The following GDA variants were observed in gnomAD, a reference collection of about 807,000 sequenced individuals.
GDA encodes the protein cytoplasmic PSD-95 interactor.
In GDA, 18 loss-of-function variants were observed where a neutral mutation model predicts 59.6. The ratio of observed to expected loss-of-function variants is 0.30; its 90% CI spans 0.21 to 0.45. The LOEUF (loss-of-function observed/expected upper bound fraction) is 0.45. Among genes scored for constraint, GDA ranks in the 20% least tolerant of loss-of-function variants. GDA has a pLI of 1.00. For missense variants in GDA, 427 were observed against 552.3 expected (o/e 0.77, Z 2.27); for synonymous variants, 201 against 201.1 (o/e 1.00, Z 0.00).
intron 3 of GDA, 74 bp downstream of exon 3, chr9:72,202,816 A>G: frequency 8.4e-7 from 1 of 1,184,648 alleles, no homozygotes; most frequent in Non-Finnish European, 1.2e-6. Flanking sequence ...GGACAGATTT[A>G]AATTATAAAG....
chr9:72,151,434 A>G (rs1324465031), intron 1 of GDA, among the ~76,000 whole-genome samples: 1 of 152,170 alleles, frequency 6.6e-6, no homozygotes, highest in Non-Finnish European at 1.5e-5. Flanking sequence ...TGCCATACAT[A>G]TTTCAAAACT....
intron 1 of GDA, among the ~76,000 whole-genome samples, chr9:72,116,223 A>C (rs894290203): frequency 3.2e-5 from 4 of 126,190 alleles, no homozygotes; most frequent in African/African-American, 1.0e-4. Context: ...AACAAGAATG[A>C]AACTGTCTCA....
chr9:72,207,295 T>C (rs1834840955), intron 3 of GDA, among the ~76,000 whole-genome samples: 1 of 152,222 alleles, frequency 6.6e-6, no homozygotes, highest in Non-Finnish European at 1.5e-5. Context: ...TGATAATTAC[T>C]ATTAGAAAAA....
chr9:72,209,867 T>G (rs1287924053), intron 3 of GDA, among the ~76,000 whole-genome samples: 1 of 152,206 alleles, frequency 6.6e-6, no homozygotes, highest in Non-Finnish European at 1.5e-5. Flanking sequence ...GTGGGAGTAG[T>G]ACACGTGGTA....
intron 2 of GDA, 145 bp from the exon 3 acceptor site, chr9:72,202,426 G>A: frequency 1.7e-6 from 1 of 580,390 alleles, no homozygotes; most frequent in South Asian, 2.3e-5. Flanking sequence ...CTAAATAATT[G>A]GAGAATTTAC....
At chr9:72,158,911 C>T (rs1828270215) in intron 1 of GDA, among the ~76,000 whole-genome samples, 1 of 151,626 alleles carries the variant, frequency 6.6e-6, no homozygotes, top group Non-Finnish European at 1.5e-5. Flanking sequence ...ATCATCTCTA[C>T]TTTACAAATG....
chr9:72,203,465 T>C (rs1469895963), intron 3 of GDA, among the ~76,000 whole-genome samples: 1 of 152,212 alleles, frequency 6.6e-6, no homozygotes, highest in Non-Finnish European at 1.5e-5. Flanking sequence ...ACCAGCCATA[T>C]GTTGAAGGCT....
At chr9:72,221,829 G>A (rs370884757) in intron 6 of GDA, among the ~76,000 whole-genome samples, 27 of 152,238 alleles carry the variant, frequency 1.8e-4, no homozygotes, top group Admixed American at 4.6e-4. Flanking sequence ...CCCTTCCTGC[G>A]TTAGTTTGCT....
At chr9:72,257,148 C>T (rs1197943876), downstream of GDA, 1 of 152,442 alleles carries the variant, frequency 6.6e-6, no homozygotes, top group Non-Finnish European at 1.5e-5. Flanking sequence ...ATGCAGAAAC[C>T]TGAGAGGGTG....
At chr9:72,225,243 T>C (rs1371439882) in intron 7 of GDA, among the ~76,000 whole-genome samples, 2 of 152,150 alleles carry the variant, frequency 1.3e-5, no homozygotes, top group African/African-American at 4.8e-5. Context: ...ATTGTGCCAC[T>C]ACACTCCAGC....
chr9:72,185,027 A>T (rs1464410522), intron 1 of GDA, among the ~76,000 whole-genome samples: 2 of 152,216 alleles, frequency 1.3e-5, no homozygotes, highest in South Asian at 4.1e-4. Context: ...TTTTATAACA[A>T]ATGAAAATTA....
intron 1 of GDA, among the ~76,000 whole-genome samples, chr9:72,192,969 G>A (rs993540805): frequency 1.3e-5 from 2 of 152,120 alleles, no homozygotes; most frequent in Non-Finnish European, 2.9e-5. Context: ...ATTTTTCCTT[G>A]ATTCTTTTTA....
At chr9:72,127,489 T>C (rs988499763) in intron 1 of GDA, among the ~76,000 whole-genome samples, 50 of 151,632 alleles carry the variant, frequency 3.3e-4, no homozygotes, top group African/African-American at 1.2e-3. Flanking sequence ...AGACAAAAAT[T>C]AGTTAGGTGT....
At chr9:72,245,026 T>C in intron 11 of GDA, 122 bp from the exon 12 acceptor site, 1 of 813,692 alleles carries the variant, frequency 1.2e-6, no homozygotes, top group Non-Finnish European at 2.0e-6. Flanking sequence ...GTCTCACTGT[T>C]AAGATACTAA....
intron 9 of GDA, chr9:72,229,171 TAAAAA>T (rs34554102): frequency 9.2e-4 from 39 of 42,262 alleles, no homozygotes; most frequent in Non-Finnish European, 1.4e-3. Context: ...CAGTCTCTAC[TAAAAA>T]AAAAAAAAAA....
chr9:72,252,622 A>G (rs1840777466), downstream of GDA, among the ~76,000 whole-genome samples: 1 of 152,168 alleles, frequency 6.6e-6, no homozygotes, highest in Non-Finnish European at 1.5e-5. Flanking sequence ...GCTATTTTCT[A>G]TACTATTTTA....
chr9:72,226,924 T>C (rs1837671500), intron 8 of GDA, among the ~76,000 whole-genome samples: 1 of 152,140 alleles, frequency 6.6e-6, no homozygotes. Context: ...GAGACCATCC[T>C]GGCTAACACG....
chr9:72,233,212 A>G (rs1450111981), intron 10 of GDA, among the ~76,000 whole-genome samples: 4 of 152,242 alleles, frequency 2.6e-5, no homozygotes, highest in East Asian at 1.9e-4. Context: ...CACCCTGTCT[A>G]TAACAAGTGC....
intron 3 of GDA, among the ~76,000 whole-genome samples, chr9:72,207,974 C>T (rs2131401116): frequency 6.6e-6 from 1 of 152,086 alleles, no homozygotes; most frequent in Non-Finnish European, 1.5e-5. Context: ...TGGTGGCATG[C>T]ATCTGTAGTC....
Sources: gnomAD v4.1 joint callset for allele counts (sites outside exome capture counted in the v4.1 genomes callset) on GRCh38, gnomAD v4.1.1 for gene constraint, MANE v1.5 for transcripts, NCBI Gene and HGNC (gene_info 2026-07-23, HGNC 2026-07-21) for gene names.